LRRK1: variants seen among roughly 807,000 people sequenced by gnomAD.
LRRK1 encodes leucine rich repeat kinase 1, also known as leucine-rich repeat serine/threonine-protein kinase 1.
In LRRK1, 113 loss-of-function variants were observed where a neutral mutation model predicts 209.1. That is an observed-to-expected ratio of 0.54 (90% CI 0.46 to 0.63). The LOEUF (loss-of-function observed/expected upper bound fraction) is 0.63, where lower values mean the gene tolerates loss of function less well. Among genes scored for constraint, LRRK1 ranks in the 30% least tolerant of loss-of-function variants. The pLI, the probability that LRRK1 is intolerant of heterozygous loss-of-function variation, is 0.00. For missense variants in LRRK1, 2,284 were observed against 2,632.2 expected (o/e 0.87, Z 2.89); for synonymous variants, 1,144 against 1,099.7 (o/e 1.04, Z -0.80).
chr15:101,052,057 G>A, intron 24 of LRRK1, 97 bp downstream of exon 24: 1 of 1,444,824 alleles, frequency 6.9e-7, no homozygotes, highest in Non-Finnish European at 9.4e-7. Context: ...ACCCCTCTGG[G>A]GCGGGCAGGT....
chr15:100,945,155 A>T (rs1375838183), intron 2 of LRRK1, among the ~76,000 whole-genome samples: 1 of 152,184 alleles, frequency 6.6e-6, no homozygotes, highest in East Asian at 1.9e-4. Flanking sequence ...CATGTATAGA[A>T]GCTCATCTAT....
chr15:100,962,041 GA>G (rs2030009762), intron 2 of LRRK1, among the ~76,000 whole-genome samples: 1 of 152,190 alleles, frequency 6.6e-6, no homozygotes, highest in Non-Finnish European at 1.5e-5. Flanking sequence ...ACTGAGTCAA[GA>G]TTCGGTAGAT....
At chr15:100,977,232 A>T (rs1410356326) in intron 3 of LRRK1, among the ~76,000 whole-genome samples, 3 of 151,520 alleles carry the variant, frequency 2.0e-5, no homozygotes, top group Non-Finnish European at 4.4e-5. Flanking sequence ...CTCCAACCAA[A>T]GCACCAGGAA....
intron 2 of LRRK1, among the ~76,000 whole-genome samples, chr15:100,931,811 A>G (rs564233492): frequency 1.9e-4 from 29 of 152,334 alleles, no homozygotes; most frequent in African/African-American, 6.5e-4. Context: ...ACAGTGCACT[A>G]TGAGCATTCT....
At chr15:101,062,527 G>A (rs754017674) in intron 30 of LRRK1, 47 bp from the exon 31 acceptor site, 1 of 1,347,724 alleles carries the variant, frequency 7.4e-7, no homozygotes, top group Non-Finnish European at 1.1e-6. Flanking sequence ...GGAAATGCCA[G>A]ACACTTTCCA....
In LRRK1 at chr15:101,068,915, A is replaced by G. The variant is rs1026744214; in HGVS notation, c.*67A>G. On this transcript the variant is annotated 3_prime_UTR_variant, in exon 34 of 34. Transcript: ENST00000388948. Reference sequence around the variant, plus strand: ...GGGGCTGCAGCCTGACCCCTCTGCCATCGGCCTCTAGTTCTCCAAGGACCT... The same window carrying G: ...GGGGCTGCAGCCTGACCCCTCTGCCGTCGGCCTCTAGTTCTCCAAGGACCT... 1.4e-6 allele frequency: 2 copies of G among 1,448,034 alleles called. No homozygotes were observed. Among genetic ancestry groups the G allele is most frequent in the South Asian group, 1.4e-5 (1 of 73,318 alleles). 89.7% of individuals were successfully genotyped at this position (1,448,034 alleles called of 1,614,324 possible).
rs1351937004 is a variant in LRRK1 at position 101,070,795 on chromosome 15, A to AC, written c.*1947_*1948insC. 1 of 152,014 alleles carries AC rather than the reference A, an allele frequency of 6.6e-6. No individual in the cohort carries two copies. The highest frequency in any genetic ancestry group is 1.5e-5 in the Non-Finnish European group (1 of 67,994). 9.4% of individuals were successfully genotyped at this position (152,014 alleles called of 1,614,324 possible). On this transcript the variant is annotated 3_prime_UTR_variant, in exon 34 of 34. Coordinates refer to ENST00000388948, the MANE Select transcript of LRRK1 (RefSeq NM_024652.6). ...GACAGAGCAAGACCCAACTCTTAAA[A>AC]AAAAAAAAAAAATACAGGAAATGAC...
chr15:101,004,727 G>A (rs2032861666), intron 6 of LRRK1, among the ~76,000 whole-genome samples: 1 of 152,214 alleles, frequency 6.6e-6, no homozygotes, highest in African/African-American at 2.4e-5. Flanking sequence ...AGCAGCCTGA[G>A]GCTGAGCCCC....
chr15:101,067,674 C>G (rs17161162), intron 33 of LRRK1, among the ~76,000 whole-genome samples: 8,158 of 152,206 alleles, frequency 0.054, 696 homozygotes, highest in African/African-American at 0.18. Context: ...TGCAGTGAGT[C>G]CTGGGCCAGT....
chr15:101,045,372 A>G (rs1159768981), intron 20 of LRRK1, among the ~76,000 whole-genome samples: 2 of 152,214 alleles, frequency 1.3e-5, no homozygotes, highest in Non-Finnish European at 2.9e-5. Flanking sequence ...GGGACCTCCC[A>G]GGTTTCAGCC....
At position 101,048,625 on chromosome 15, in the gene LRRK1, G is replaced by A; in HGVS notation, c.3267G>A (p.Gly1089=). 6.5e-7 allele frequency: 1 copy of A among 1,541,820 alleles called. No individual in the cohort carries two copies. Among genetic ancestry groups the A allele is most frequent in the Non-Finnish European group, 8.7e-7 (1 of 1,152,162 alleles). Residue 1089 remains glycine, a synonymous_variant, in exon 22 of 34, where the codon GGG becomes GGA. Coordinates refer to ENST00000388948, the MANE Select transcript of LRRK1 (RefSeq NM_024652.6). ...KRNQTIYWQE[G]LLVTFDGGYL... ...ATCAGACCATCTATTGGCAGGAAGG[G>A]CTCCTGGTCACTTTTGATGGGGGCT... is the stretch of plus-strand genomic sequence containing the variant.
intron 20 of LRRK1, among the ~76,000 whole-genome samples, chr15:101,031,349 GCA>G (rs1567248529): frequency 2.6e-5 from 4 of 152,104 alleles, no homozygotes; most frequent in Non-Finnish European, 5.9e-5. Context: ...CTTCTCAACC[GCA>G]CAGAGTCACG....
At chr15:101,066,835 T>C in intron 33 of LRRK1, 94 bp downstream of exon 33, 1 of 1,094,234 alleles carries the variant, frequency 9.1e-7, no homozygotes, top group Non-Finnish European at 1.4e-6. Flanking sequence ...TTGCTGCCCT[T>C]CCATTCTCCC....
Position 101,026,115 on chromosome 15 carries a change from G to T in LRRK1, c.2383G>T (p.Asp795Tyr). 1 of 1,614,260 alleles carries T rather than the reference G, an allele frequency of 6.2e-7. No individual in the cohort carries two copies. ...PSGSRATGFP[D>Y]ITFKHLHEIS... ...CGGCTCCAGGGCCACAGGCTTCCCAGACATCACCTTCAAACACTTACAGTG... is the reference window on the plus strand; with the variant it reads ...CGGCTCCAGGGCCACAGGCTTCCCATACATCACCTTCAAACACTTACAGTG... Residue 795 changes from aspartate to tyrosine, a missense_variant, in exon 17 of 34, where the codon GAC becomes TAC. Physicochemically the swap from Asp to Tyr is radical, Grantham distance 160. Coordinates refer to ENST00000388948, the MANE Select transcript of LRRK1 (RefSeq NM_024652.6).
intron 2 of LRRK1, among the ~76,000 whole-genome samples, chr15:100,955,665 A>G (rs2042738105): frequency 6.6e-6 from 1 of 152,088 alleles, no homozygotes. Context: ...CATTCCTGCT[A>G]TAACCAACTT....
intron 29 of LRRK1, 76 bp from the exon 30 acceptor site, chr15:101,061,095 C>A: frequency 9.0e-7 from 1 of 1,113,626 alleles, no homozygotes; most frequent in Non-Finnish European, 1.4e-6. Flanking sequence ...AGGCTCGCAG[C>A]TGGCAGGCCA....
Position 101,048,524 on chromosome 15 carries a change from AG to A in LRRK1, c.3168del (p.Asn1057ThrfsTer22). 6.2e-7 allele frequency: 1 copy of A among 1,600,360 alleles called. No individual in the cohort carries two copies. The highest frequency in any genetic ancestry group is 8.5e-7 in the Non-Finnish European group (1 of 1,175,890). ...TGAAAACAAGAAGAATACTAAAAGC[AG>A]GAACAGGAAAGTCACCATTTACAGT... is the stretch of plus-strand genomic sequence containing the variant. ...LFENKKNTKS[R>X]NRKVTIYSFT... On this transcript the variant is annotated frameshift_variant, in exon 22 of 34. Transcript: ENST00000388948. LOFTEE classifies it high-confidence loss of function.
chr15:100,952,030 C>A (rs555772866), intron 2 of LRRK1, among the ~76,000 whole-genome samples: 1 of 151,244 alleles, frequency 6.6e-6, no homozygotes, highest in East Asian at 1.9e-4. Flanking sequence ...TATGCTACAA[C>A]ATGAATAAGT....
At chr15:101,004,751 G>C (rs1020804890) in intron 6 of LRRK1, among the ~76,000 whole-genome samples, 2 of 152,246 alleles carry the variant, frequency 1.3e-5, no homozygotes, top group Non-Finnish European at 2.9e-5. Flanking sequence ...TCCTTCTGCA[G>C]TTCAGGGCTC....
Sources: gnomAD v4.1 joint callset for allele counts (sites outside exome capture counted in the v4.1 genomes callset) on GRCh38, gnomAD v4.1.1 for gene constraint, MANE v1.5 for transcripts, NCBI Gene and HGNC (gene_info 2026-07-23, HGNC 2026-07-21) for gene names.